The following CNFN variants were observed in gnomAD, a reference collection of about 807,000 sequenced individuals.
CNFN encodes cornifelin.
CNFN carries 10 observed loss-of-function variants against 14.9 expected under a neutral mutation model. That is an observed-to-expected ratio of 0.67 (90% CI 0.41 to 1.14). CNFN has a LOEUF of 1.14. CNFN is among the 50% of genes most tolerant of loss of function. CNFN has a pLI of 0.00. For synonymous variants in CNFN, 66 were observed against 60.0 expected (o/e 1.10, Z -0.46); for missense variants, 165 against 152.8 (o/e 1.08, Z -0.42).
intron 1 of CNFN, chr19:42,389,459 G>A (rs1302838968): frequency 7.7e-7 from 1 of 1,292,168 alleles, no homozygotes; most frequent in Non-Finnish European, 1.0e-6. Context: ...CCAGTACTGA[G>A]AGGGTTGCTG....
intron 1 of CNFN, among the ~76,000 whole-genome samples, chr19:42,389,321 C>T (rs1297662031): frequency 1.3e-5 from 2 of 152,220 alleles, no homozygotes; most frequent in African/African-American, 2.4e-5. Flanking sequence ...TGGGGCCTGG[C>T]GGTGCCGCCT....
Position 42,387,191 on chromosome 19 carries a change from G to A in CNFN, c.301C>T (p.Leu101Phe). The A allele has an allele frequency of 6.2e-7, 1 of 1,614,230 alleles. No individual in the cohort carries two copies. The highest frequency in any genetic ancestry group is 8.5e-7 in the Non-Finnish European group (1 of 1,180,038). ...AALTFCLPCA[L>F]CQMARELKIR... is the part of the protein sequence containing the mutation. Reference sequence around the variant, plus strand: ...TTCAGTTCCCGCGCCATCTGGCAGAGGGCGCAGGGCAGACAAAAGGTGAGG... The same window carrying A: ...TTCAGTTCCCGCGCCATCTGGCAGAAGGCGCAGGGCAGACAAAAGGTGAGG... Residue 101 changes from leucine to phenylalanine, a missense_variant, in exon 4 of 4, where the codon CTC (leucine) becomes TTC (phenylalanine). Transcript: ENST00000222032.
At chr19:42,389,814 T>C (rs1393908424) in intron 1 of CNFN, among the ~76,000 whole-genome samples, 1 of 151,894 alleles carries the variant, frequency 6.6e-6, no homozygotes, top group Admixed American at 6.6e-5. Flanking sequence ...GAGATAGAGC[T>C]TGAGGGAGAA....
At chr19:42,387,971 C>T (rs1330709471) in intron 2 of CNFN, among the ~76,000 whole-genome samples, 6 of 133,904 alleles carry the variant, frequency 4.5e-5, no homozygotes, top group African/African-American at 1.8e-4. Flanking sequence ...CAGAGCAATA[C>T]TCCGTCTCAA....
At position 42,387,435 on chromosome 19, in the gene CNFN, TG is replaced by T; in HGVS notation, c.153del (p.Ile52SerfsTer57). On this transcript the variant is annotated frameshift_variant, in exon 3 of 4. Coordinates refer to ENST00000222032, the MANE Select transcript of CNFN (RefSeq NM_032488.4). LOFTEE classifies it high-confidence loss of function. The part of the protein sequence containing the change: ...GTFAPLCLAC[R>X]ISDDFGECCC... ...CAGCACTCGCCAAAGTCGTCGGAGA[TG>T]CGGCAGGCAAGGCACAGAGGAGCAA... 6.3e-7 allele frequency: 1 copy of T among 1,599,876 alleles called. No individual in the cohort carries two copies. The highest frequency in any genetic ancestry group is 8.5e-7 in the Non-Finnish European group (1 of 1,174,808).
intron 1 of CNFN, 122 bp from the exon 2 acceptor site, chr19:42,389,161 G>A: frequency 1.4e-6 from 1 of 694,996 alleles, no homozygotes; most frequent in South Asian, 1.8e-5. Flanking sequence ...CCCACTGAAG[G>A]GACACCACTG....
rs2039855196 is a variant in CNFN, at chr19:42,387,093, T to C, written c.*60A>G. The C allele has an allele frequency of 1.3e-6, 2 of 1,548,316 alleles. No homozygotes were observed. Among genetic ancestry groups the C allele is most frequent in the Non-Finnish European group, 1.8e-6 (2 of 1,120,940 alleles). ...GTGGTGAGGCAGTCCCTCCCAGGAG[T>C]GGCCAGAGAAGGCCAGAGGCGAGAC... On this transcript the variant is annotated 3_prime_UTR_variant, in exon 4 of 4. Coordinates refer to ENST00000222032, the MANE Select transcript of CNFN (RefSeq NM_032488.4).
chr19:42,389,114 C>T (rs2039878868), intron 1 of CNFN, 75 bp from the exon 2 acceptor site: 1 of 1,164,412 alleles, frequency 8.6e-7, no homozygotes, highest in Non-Finnish European at 1.2e-6. Flanking sequence ...GGCCACCCTT[C>T]CCTGTGCCGG....
intron 1 of CNFN, chr19:42,389,484 C>G: frequency 7.7e-7 from 1 of 1,291,058 alleles, no homozygotes; most frequent in Non-Finnish European, 1.0e-6. Context: ...ACCCAGCGGT[C>G]CCACCTTTGC....
intron 2 of CNFN, among the ~76,000 whole-genome samples, chr19:42,388,355 GTT>G (rs60385070): frequency 4.8e-5 from 7 of 146,480 alleles, no homozygotes; most frequent in African/African-American, 1.5e-4. Context: ...ACCACGCCCG[GTT>G]TTTTTTTTTG....
rs546855019 is a variant in CNFN at position 42,387,541 on chromosome 19, G to T, written c.113-65C>A. 4.2e-5 allele frequency: 56 copies of T among 1,331,784 alleles called. No homozygotes were observed. The African/African-American group carries it at 7.5e-4, about 18-fold the overall frequency. The allele number at this position is 1,331,784 out of a possible 1,614,324, so 82.5% of individuals were successfully genotyped here. On this transcript the variant is annotated intron_variant, in intron 2 of 3. Coordinates refer to ENST00000222032, the MANE Select transcript of CNFN (RefSeq NM_032488.4). ...GGCCTCCCGACGGCTCCGCCCCGGG[G>T]GGGGCGCGGTTGATTCGCCGCGGAG...
intron 2 of CNFN, among the ~76,000 whole-genome samples, chr19:42,388,156 G>C (rs1475497690): frequency 6.6e-6 from 1 of 151,658 alleles, no homozygotes; most frequent in Admixed American, 6.6e-5. Flanking sequence ...CGAGTAGCTG[G>C]GACTACTGGT....
At chr19:42,387,987 A>G (rs944421063) in intron 2 of CNFN, among the ~76,000 whole-genome samples, 4 of 142,718 alleles carry the variant, frequency 2.8e-5, no homozygotes, top group Non-Finnish European at 6.0e-5. Flanking sequence ...CTCAAAAAAA[A>G]CAAAAAACAA....
rs1390809539 is a variant in CNFN, at chr19:42,390,283, C to CA, written c.-47dup. 6.6e-6 allele frequency: 1 copy of CA among 152,510 alleles called. No individual in the cohort carries two copies. The highest frequency in any genetic ancestry group is 1.5e-5 in the Non-Finnish European group (1 of 68,172). 9.4% of individuals were successfully genotyped at this position (152,510 alleles called of 1,614,324 possible). A position where few individuals can be genotyped will look rare whatever the true frequency, so the allele number is the denominator to read the frequency against. ...AGTGATGGAGGCAGACGTGTGGAGA[C>CA]ACGGGCACTGACTTCTCCGTCTCAG... On this transcript the variant is annotated 5_prime_UTR_variant, in exon 1 of 4. Transcript: ENST00000222032.
rs1330693820 is a variant in CNFN, at chr19:42,387,366, C to G, written c.223G>C (p.Gly75Arg). 1.2e-5 allele frequency: 19 copies of G among 1,598,446 alleles called. No homozygotes were observed. The change falls in exon 3 of 4, where the codon GGC becomes CGC. Residue 75 changes from glycine to arginine, a missense_variant. Gly to Arg is a moderately radical substitution (Grantham distance 125, BLOSUM62 -2). Coordinates refer to ENST00000222032, the MANE Select transcript of CNFN (RefSeq NM_032488.4). Reference protein sequence around the residue: ...LPGGLHSIRTGMRERYHIQGS... With the variant: ...LPGGLHSIRTRMRERYHIQGS... ...TGGATGTGGTAGCGCTCCCGCATGC[C>G]GGTGCGGATGGAGTGCAGGCCTCCG...
At position 42,387,392 on chromosome 19, in the gene CNFN, G is replaced by T. The variant is rs536995534; in HGVS notation, c.197C>A (p.Pro66His). Residue 66 changes from proline to histidine, a missense_variant, in exon 3 of 4, where the codon CCC (proline) becomes CAC (histidine). By Grantham distance (77) the Pro-to-His change is moderately conservative. Coordinates refer to ENST00000222032, the MANE Select transcript of CNFN (RefSeq NM_032488.4). Reference protein sequence around the residue: ...FGECCCAPYLPGGLHSIRTGM... With the variant: ...FGECCCAPYLHGGLHSIRTGM... ...GGTGCGGATGGAGTGCAGGCCTCCGGGCAGGTAGGGCGCGCAGCAGCACTC... is the reference window on the plus strand; with the variant it reads ...GGTGCGGATGGAGTGCAGGCCTCCGTGCAGGTAGGGCGCGCAGCAGCACTC... 2.5e-6 allele frequency: 4 copies of T among 1,601,398 alleles called. No homozygotes were observed. The highest frequency in any genetic ancestry group is 3.4e-6 in the Non-Finnish European group (4 of 1,175,510).
chr19:42,387,299 C>T (rs1414753829), intron 3 of CNFN, 41 bp downstream of exon 3: 2 of 1,603,986 alleles, frequency 1.2e-6, no homozygotes, highest in East Asian at 2.3e-5. Flanking sequence ...GAGGCCAGTC[C>T]CCAGCTCCCT....
At position 42,389,005 on chromosome 19, in the gene CNFN, G is replaced by A. The variant is rs376113014; in HGVS notation, c.33C>T (p.Cys11=). MSYPVTSQPQ[C]ATTSCYQTQL... ...GGGTCTGGTAGCAGCTGGTGGTGGC[G>A]CACTGGGGCTGACTGGTCACAGGGT... Residue 11 remains cysteine (C), a synonymous_variant, in exon 2 of 4, where the codon TGC becomes TGT. Coordinates refer to ENST00000222032, the MANE Select transcript of CNFN (RefSeq NM_032488.4). 126 of 1,613,684 alleles carry A rather than the reference G, an allele frequency of 7.8e-5. No individual in the cohort carries two copies. The highest frequency in any genetic ancestry group is 1.1e-4 in the Non-Finnish European group (124 of 1,179,960).
In CNFN at chr19:42,389,004, C is replaced by T. The variant is rs772518080; in HGVS notation, c.34G>A (p.Ala12Thr). The change falls in exon 2 of 4, where the codon GCC (alanine) becomes ACC (threonine). Residue 12 changes from alanine to threonine, a missense_variant. Physicochemically the swap from Ala to Thr is moderately conservative, Grantham distance 58. Transcript: ENST00000222032. The stretch of plus-strand genomic sequence containing the variant: ...TGGGTCTGGTAGCAGCTGGTGGTGG[C>T]GCACTGGGGCTGACTGGTCACAGGG... ...SYPVTSQPQC[A>T]TTSCYQTQLS... 43 of 1,613,688 alleles carry T rather than the reference C, an allele frequency of 2.7e-5. No homozygotes were observed. Among genetic ancestry groups the T allele is most frequent in the Admixed American group, 6.7e-5 (4 of 59,996 alleles).
Sources: allele counts gnomAD v4.1 joint callset (sites outside exome capture counted in the v4.1 genomes callset), GRCh38; gene constraint gnomAD v4.1.1; transcripts MANE v1.5; gene names NCBI Gene and HGNC (gene_info 2026-07-23, HGNC 2026-07-21).